Variants in SSBP3 observed in about 807,000 individuals in gnomAD.
SSBP3 encodes the protein single-stranded DNA-binding protein 3.
SSBP3 carries 5 observed loss-of-function variants against 69.6 expected under a neutral mutation model. That is an observed-to-expected ratio of 0.07 (90% CI 0.04 to 0.15). The LOEUF (loss-of-function observed/expected upper bound fraction) is 0.15, where lower values mean the gene tolerates loss of function less well. Ranked by LOEUF, SSBP3 falls within the 10% of genes least tolerant of loss-of-function variation. SSBP3 has a pLI of 1.00. For missense variants in SSBP3, 312 were observed against 534.0 expected, an observed-to-expected ratio of 0.58 and a Z score of 4.10; for synonymous variants, 196 against 193.4, an observed-to-expected ratio of 1.01 and a Z score of -0.11.
intron 4 of SSBP3, among the ~76,000 whole-genome samples, chr1:54,303,536 C>A (rs375146701): frequency 5.3e-5 from 8 of 152,310 alleles, no homozygotes; most frequent in African/African-American, 1.9e-4. Context: ...CTATGAGGTG[C>A]ACATAAGCTC....
At chr1:54,240,113 C>T (rs1342759478) in intron 13 of SSBP3, among the ~76,000 whole-genome samples, 684 of 3,702 alleles carry the variant, frequency 0.18, 16 homozygotes, top group Non-Finnish European at 0.25. Flanking sequence ...TGCGTGCGCG[C>T]GCGCGCGCAA....
chr1:54,344,423 A>C (rs1171175777), intron 4 of SSBP3, among the ~76,000 whole-genome samples: 1 of 152,198 alleles, frequency 6.6e-6, no homozygotes, highest in Non-Finnish European at 1.5e-5. Flanking sequence ...CCCTTTTGAG[A>C]ATGAATGATT....
chr1:54,277,763 A>G (rs575707395), intron 5 of SSBP3, among the ~76,000 whole-genome samples: 1 of 152,262 alleles, frequency 6.6e-6, no homozygotes, highest in East Asian at 1.9e-4. Flanking sequence ...AGAAATCCTT[A>G]CTGGACAGTG....
intron 9 of SSBP3, 89 bp downstream of exon 9, chr1:54,251,527 G>C: frequency 7.4e-7 from 1 of 1,355,690 alleles, no homozygotes; most frequent in Non-Finnish European, 1.0e-6. Flanking sequence ...ACTGAGAGAT[G>C]TGGGAGACTG....
chr1:54,239,357 A>G (rs1423828616), intron 13 of SSBP3, among the ~76,000 whole-genome samples, 158 bp from the exon 14 acceptor site: 2 of 152,260 alleles, frequency 1.3e-5, no homozygotes, highest in African/African-American at 2.4e-5. Flanking sequence ...GAAGATTCAC[A>G]AAGTTTTTAA....
At chr1:54,368,038 A>G (rs1040430490) in intron 4 of SSBP3, among the ~76,000 whole-genome samples, 2 of 152,186 alleles carry the variant, frequency 1.3e-5, no homozygotes, top group African/African-American at 4.8e-5. Context: ...ACAGTGGCTC[A>G]CACCTGTAAT....
intron 4 of SSBP3, among the ~76,000 whole-genome samples, chr1:54,367,006 G>C (rs533121941): frequency 6.6e-6 from 1 of 152,152 alleles, no homozygotes; most frequent in Admixed American, 6.5e-5. Context: ...AAAGGGAACT[G>C]TGCTATTATT....
chr1:54,352,366 C>T (rs1287788965), intron 4 of SSBP3, among the ~76,000 whole-genome samples: 1 of 152,160 alleles, frequency 6.6e-6, no homozygotes, highest in Non-Finnish European at 1.5e-5. Context: ...TCCAGAGAGG[C>T]CAAATGGATC....
chr1:54,326,564 C>T (rs1299571121), intron 4 of SSBP3: 2 of 152,212 alleles, frequency 1.3e-5, no homozygotes, highest in Non-Finnish European at 2.9e-5. Flanking sequence ...TGACGCAGCT[C>T]CTGGCACTGG....
chr1:54,307,806 A>AAGTTACCCT (rs5774182), intron 4 of SSBP3, among the ~76,000 whole-genome samples: 8,859 of 152,216 alleles, frequency 0.058, 425 homozygotes, highest in East Asian at 0.27. Flanking sequence ...CAACGTCAGC[A>AAGTTACCCT]AGTTACCCTA....
At chr1:54,379,072 T>C (rs1412390516) in intron 4 of SSBP3, among the ~76,000 whole-genome samples, 1 of 152,216 alleles carries the variant, frequency 6.6e-6, no homozygotes, top group African/African-American at 2.4e-5. Context: ...AGGTTGCTTT[T>C]GATGGCTTCC....
intron 4 of SSBP3, among the ~76,000 whole-genome samples, chr1:54,394,056 G>A (rs935861128): frequency 6.6e-6 from 1 of 152,156 alleles, no homozygotes. Flanking sequence ...CACTGCGCCC[G>A]GCCTGGTATA....
chr1:54,265,028 A>T (rs984611629), intron 5 of SSBP3, among the ~76,000 whole-genome samples: 2 of 152,194 alleles, frequency 1.3e-5, no homozygotes, highest in Non-Finnish European at 2.9e-5. Context: ...GGCACTTGAT[A>T]GACAATCCAA....
At chr1:54,225,447 T>C in exon 18 of SSBP3, 1 of 1,223,524 alleles carries the variant, frequency 8.2e-7, no homozygotes, top group Non-Finnish European at 1.0e-6. Flanking sequence ...AAAAAAGATG[T>C]CCCTTTAATA....
At chr1:54,387,548 GTC>G (rs1271353862) in intron 4 of SSBP3, among the ~76,000 whole-genome samples, 1 of 152,080 alleles carries the variant, frequency 6.6e-6, no homozygotes, top group Non-Finnish European at 1.5e-5. Flanking sequence ...GGAAAAACAC[GTC>G]TGTTTCTATT....
At chr1:54,388,188 A>G (rs763273850) in intron 4 of SSBP3, among the ~76,000 whole-genome samples, 4 of 152,050 alleles carry the variant, frequency 2.6e-5, no homozygotes, top group Non-Finnish European at 4.4e-5. Flanking sequence ...CAATTCTTTC[A>G]AAGTGCATTT....
intron 5 of SSBP3, among the ~76,000 whole-genome samples, chr1:54,272,973 C>T (rs2100829093): frequency 6.6e-6 from 1 of 152,306 alleles, no homozygotes; most frequent in Admixed American, 6.5e-5. Flanking sequence ...AGGCCAGAGA[C>T]TCCTTCCCCC....
upstream of SSBP3, among the ~76,000 whole-genome samples, chr1:54,407,936 G>A (rs1421056571): frequency 6.6e-6 from 1 of 152,020 alleles, no homozygotes; most frequent in East Asian, 1.9e-4. Flanking sequence ...TACCATTAAA[G>A]TTTGCTTATT....
intron 4 of SSBP3, among the ~76,000 whole-genome samples, chr1:54,379,057 C>G (rs1029500728): frequency 6.6e-6 from 1 of 152,186 alleles, no homozygotes; most frequent in Non-Finnish European, 1.5e-5. Flanking sequence ...TGTTCATAGT[C>G]AGCCAGGTTG....
Sources: gnomAD v4.1 joint callset for allele counts (sites outside exome capture counted in the v4.1 genomes callset) on GRCh38, gnomAD v4.1.1 for gene constraint, MANE v1.5 for transcripts, NCBI Gene and HGNC (gene_info 2026-07-23, HGNC 2026-07-21) for gene names.